DNAJC24: variants seen among roughly 807,000 people sequenced by gnomAD.
DNAJC24 encodes DnaJ heat shock protein family (Hsp40) member C24, also known as dnaJ homolog subfamily C member 24.
In DNAJC24, 17 loss-of-function variants were observed where a neutral mutation model predicts 18.0. That is an observed-to-expected ratio of 0.94 (90% CI 0.65 to 1.42). The LOEUF (loss-of-function observed/expected upper bound fraction) is 1.42. DNAJC24 is among the 40% of genes most tolerant of loss of function. The probability of loss-of-function intolerance (pLI) is 0.00; values close to 1 mark genes in which losing one functional copy is unlikely to be tolerated. For synonymous variants in DNAJC24, 55 were observed against 57.7 expected, an observed-to-expected ratio of 0.95 and a Z score of 0.21; for missense variants, 158 against 175.6, an observed-to-expected ratio of 0.90 and a Z score of 0.57.
At chr11:31,430,196 C>A in intron 4 of DNAJC24, 75 bp from the exon 5 acceptor site, 2 of 1,318,748 alleles carry the variant, frequency 1.5e-6, no homozygotes, top group Non-Finnish European at 2.1e-6. Flanking sequence ...ATGGAATAAA[C>A]TCTGCACCTT....
rs187855576 is a variant in DNAJC24 at position 31,384,881 on chromosome 11, A to G, written c.111+14022A>G. Reference sequence around the variant, plus strand: ...GAATCGGGAAGAATAAGCATATTAGATACTTAAAGGAAAGTATCTGAAAAA... The same window carrying G: ...GAATCGGGAAGAATAAGCATATTAGGTACTTAAAGGAAAGTATCTGAAAAA... On this transcript the variant is annotated intron_variant, in intron 2 of 4. Coordinates refer to ENST00000465995, the MANE Select transcript of DNAJC24 (RefSeq NM_181706.5). 1.0e-3 allele frequency: 155 copies of G among 152,332 alleles called. 1 individual carries two copies. The highest frequency in any genetic ancestry group is 3.4e-3 in the African/African-American group (143 of 41,572). The allele number at this position is 152,332 out of a possible 1,614,324, so 9.4% of individuals were successfully genotyped here. A position where few individuals can be genotyped will look rare whatever the true frequency, so the allele number is the denominator to read the frequency against.
At chr11:31,425,400 C>G (rs963880826) in intron 3 of DNAJC24, among the ~76,000 whole-genome samples, 4 of 152,150 alleles carry the variant, frequency 2.6e-5, no homozygotes, top group African/African-American at 9.7e-5. Flanking sequence ...TTCTATTAGT[C>G]TGCCTCAGCT....
intron 2 of DNAJC24, among the ~76,000 whole-genome samples, chr11:31,412,595 A>T (rs1952719318): frequency 6.6e-6 from 1 of 152,204 alleles, no homozygotes; most frequent in South Asian, 2.1e-4. Context: ...AAACCTCAGT[A>T]TAGAAATAAT....
At chr11:31,421,889 C>A in intron 3 of DNAJC24, 1 of 389,198 alleles carries the variant, frequency 2.6e-6, no homozygotes, top group Non-Finnish European at 5.1e-6. Flanking sequence ...TTTACTGAAC[C>A]AAGCTGCTAA....
intron 4 of DNAJC24, chr11:31,429,577 C>T: frequency 2.8e-6 from 1 of 353,250 alleles, no homozygotes; most frequent in Non-Finnish European, 6.2e-6. Context: ...GAAAATGACA[C>T]ACTTAAAATT....
chr11:31,399,729 ACTG>A (rs1952581374), intron 2 of DNAJC24, among the ~76,000 whole-genome samples: 1 of 115,862 alleles, frequency 8.6e-6, no homozygotes, highest in Non-Finnish European at 1.8e-5. Context: ...TTTTTTTTTA[ACTG>A]TTTTTTCTTT....
intron 2 of DNAJC24, among the ~76,000 whole-genome samples, chr11:31,402,274 T>TA (rs11424993): frequency 0.29 from 43,871 of 151,910 alleles, 7,101 homozygotes; most frequent in Non-Finnish European, 0.35. Context: ...AAGTATGCTA[T>TA]AAAAGATTAA....
At chr11:31,375,947 T>C (rs1952309277) in intron 2 of DNAJC24, among the ~76,000 whole-genome samples, 1 of 135,166 alleles carries the variant, frequency 7.4e-6, no homozygotes, top group Non-Finnish European at 1.7e-5. Flanking sequence ...ACAATACATC[T>C]GATATAATTT....
intron 2 of DNAJC24, among the ~76,000 whole-genome samples, chr11:31,398,321 C>T (rs1413730069): frequency 6.6e-6 from 1 of 151,978 alleles, no homozygotes; most frequent in Non-Finnish European, 1.5e-5. Flanking sequence ...AGGATTGTTA[C>T]CACCTCTCCA....
intron 3 of DNAJC24, chr11:31,416,269 G>A (rs1188127252): frequency 6.6e-6 from 1 of 152,118 alleles, no homozygotes; most frequent in East Asian, 1.9e-4. Context: ...TCTGTCTAAT[G>A]TATTTATTTT....
chr11:31,421,972 G>A (rs75650172), intron 3 of DNAJC24: 2 of 445,100 alleles, frequency 4.5e-6, no homozygotes, highest in Non-Finnish European at 4.5e-6. Flanking sequence ...TGAATTGCAG[G>A]CTCATAAACC....
intron 2 of DNAJC24, among the ~76,000 whole-genome samples, chr11:31,404,080 T>TATAG (rs1952629900): frequency 6.6e-6 from 1 of 152,098 alleles, no homozygotes; most frequent in South Asian, 2.1e-4. Context: ...CTGGTGGGAG[T>TATAG]ATAGCAGTGA....
intron 3 of DNAJC24, among the ~76,000 whole-genome samples, chr11:31,421,270 TG>T (rs1952801396): frequency 6.6e-6 from 1 of 152,210 alleles, no homozygotes; most frequent in Non-Finnish European, 1.5e-5. Flanking sequence ...AATGAGGTGA[TG>T]GTTTAAAATT....
At position 31,431,739 on chromosome 11, in the gene DNAJC24, A is replaced by G. The variant is rs1249933224; in HGVS notation, c.*1338A>G. On this transcript the variant is annotated 3_prime_UTR_variant, in exon 5 of 5. Coordinates refer to ENST00000465995, the MANE Select transcript of DNAJC24 (RefSeq NM_181706.5). ...GAGGCTGAGGCACAAGAATCACTTG[A>G]ACCCAGGAGGCAGAGTGAGCCGAGG... 5 of 151,868 alleles carry G rather than the reference A, an allele frequency of 3.3e-5. No individual in the cohort carries two copies. The highest frequency in any genetic ancestry group is 7.4e-5 in the Non-Finnish European group (5 of 67,994). 9.4% of individuals were successfully genotyped at this position (151,868 alleles called of 1,614,324 possible).
intron 2 of DNAJC24, among the ~76,000 whole-genome samples, chr11:31,393,514 A>G (rs1046270229): frequency 6.6e-6 from 1 of 152,174 alleles, no homozygotes; most frequent in Non-Finnish European, 1.5e-5. Flanking sequence ...CCTCATGGGT[A>G]GGATTGGGGC....
intron 2 of DNAJC24, among the ~76,000 whole-genome samples, chr11:31,398,845 G>A (rs924132566): frequency 3.9e-5 from 6 of 152,118 alleles, no homozygotes; most frequent in South Asian, 4.1e-4. Flanking sequence ...TGTGTACATC[G>A]CCACTCTTAT....
chr11:31,398,581 A>G (rs770535347), intron 2 of DNAJC24, among the ~76,000 whole-genome samples: 10 of 152,246 alleles, frequency 6.6e-5, no homozygotes, highest in Non-Finnish European at 1.2e-4. Flanking sequence ...TAAGAGGTAG[A>G]TAAAGATAAT....
At chr11:31,414,983 G>T (rs772113160) in intron 3 of DNAJC24, 34 bp downstream of exon 3, 2 of 1,604,132 alleles carry the variant, frequency 1.2e-6, no homozygotes, top group South Asian at 1.1e-5. Flanking sequence ...ACAGCACATC[G>T]GCAACTCTTA....
At chr11:31,414,157 T>C (rs1279141350) in intron 2 of DNAJC24, among the ~76,000 whole-genome samples, 1 of 152,182 alleles carries the variant, frequency 6.6e-6, no homozygotes, top group Non-Finnish European at 1.5e-5. Context: ...TTTAGAAAAT[T>C]CACATAAGAT....
Sources: allele counts gnomAD v4.1 joint callset (sites outside exome capture counted in the v4.1 genomes callset), GRCh38; gene constraint gnomAD v4.1.1; transcripts MANE v1.5; gene names NCBI Gene and HGNC (gene_info 2026-07-23, HGNC 2026-07-21).